The following OSBPL10 variants were observed in gnomAD, a reference collection of about 807,000 sequenced individuals.
OSBPL10 encodes oxysterol binding protein like 10.
In OSBPL10, 49 loss-of-function variants were observed where a neutral mutation model predicts 81.7. That is an observed-to-expected ratio of 0.60 (90% CI 0.48 to 0.76). The LOEUF (loss-of-function observed/expected upper bound fraction) is 0.76, where lower values mean the gene tolerates loss of function less well. OSBPL10 is among the 30% of genes least tolerant of loss of function. The pLI is 0.00. For missense variants in OSBPL10, 923 were observed against 987.8 expected (o/e 0.93, Z 0.88); for synonymous variants, 419 against 383.6 (o/e 1.09, Z -1.08).
intron 2 of OSBPL10, among the ~76,000 whole-genome samples, chr3:32,042,320 T>C (rs561077654): frequency 2.6e-5 from 4 of 152,354 alleles, no homozygotes; most frequent in African/African-American, 9.6e-5. Context: ...ACCCACAGAA[T>C]CTGTGTGCAT....
chr3:31,899,269 G>T (rs2125674034), intron 1 of OSBPL10, among the ~76,000 whole-genome samples: 1 of 151,860 alleles, frequency 6.6e-6, no homozygotes, highest in Non-Finnish European at 1.5e-5. Flanking sequence ...GCTTAATATG[G>T]ATGGTAAAGT....
At chr3:31,877,005 A>C (rs1190426539) in intron 2 of OSBPL10, among the ~76,000 whole-genome samples, 3 of 149,992 alleles carry the variant, frequency 2.0e-5, no homozygotes, top group African/African-American at 4.9e-5. Context: ...CTGGGTTCAT[A>C]CCATTCTTCT....
At chr3:31,704,167 G>A (rs2125597265) in intron 6 of OSBPL10, 2 of 152,464 alleles carry the variant, frequency 1.3e-5, no homozygotes, top group Middle Eastern at 6.8e-3. Flanking sequence ...GGCTAATGCT[G>A]AGATTAGCAG....
chr3:31,670,716 G>T, intron 9 of OSBPL10, 81 bp downstream of exon 9: 1 of 1,399,350 alleles, frequency 7.1e-7, no homozygotes, highest in South Asian at 1.4e-5. Flanking sequence ...TCCCATTACT[G>T]AAACTCAGTC....
intron 5 of OSBPL10, among the ~76,000 whole-genome samples, chr3:31,740,614 CTT>C: frequency 6.6e-6 from 1 of 151,428 alleles, no homozygotes; most frequent in Non-Finnish European, 1.5e-5. Flanking sequence ...TTAAAGAATG[CTT>C]ATGAAGCTGG....
At chr3:31,844,871 C>T (rs1700589443) in intron 3 of OSBPL10, among the ~76,000 whole-genome samples, 1 of 152,150 alleles carries the variant, frequency 6.6e-6, no homozygotes, top group South Asian at 2.1e-4. Flanking sequence ...GCTATGAGTT[C>T]AAGACCAGCC....
chr3:31,697,928 A>T (rs1453897131), intron 7 of OSBPL10, among the ~76,000 whole-genome samples: 1 of 151,930 alleles, frequency 6.6e-6, no homozygotes, highest in Non-Finnish European at 1.5e-5. Flanking sequence ...ACGCCCAGCT[A>T]ATTTTTTGTA....
chr3:31,675,230 C>A (rs1366641911), intron 8 of OSBPL10, among the ~76,000 whole-genome samples: 1 of 152,230 alleles, frequency 6.6e-6, no homozygotes, highest in Non-Finnish European at 1.5e-5. Context: ...CCTCTACAGA[C>A]TGGAAACACA....
At position 31,735,580 on chromosome 3, in the gene OSBPL10, C is replaced by A. The variant is rs112441830; in HGVS notation, c.941-2169G>T. Among the ~76,000 whole-genome samples the A allele has an allele frequency of 3.8e-3, 578 of 152,314 alleles. 4 individuals are homozygous for A. Among genetic ancestry groups the A allele is most frequent in the African/African-American group, 0.014 (564 of 41,572 alleles). On this transcript the variant is annotated intron_variant, in intron 5 of 11. Coordinates refer to ENST00000396556, the MANE Select transcript of OSBPL10 (RefSeq NM_017784.5). Reference sequence around the variant, plus strand: ...ATTGCTTAGTATGCTCAAGTCACATCAGTATTTTTTTCCGTTTCTCAAATG... The same window carrying A: ...ATTGCTTAGTATGCTCAAGTCACATAAGTATTTTTTTCCGTTTCTCAAATG...
intron 2 of OSBPL10, among the ~76,000 whole-genome samples, chr3:32,004,486 C>T (rs1056955603): frequency 5.9e-5 from 9 of 152,202 alleles, no homozygotes; most frequent in African/African-American, 2.2e-4. Context: ...GGAGTCAGAA[C>T]ACAGGGACAA....
intron 4 of OSBPL10, among the ~76,000 whole-genome samples, chr3:31,772,501 GA>G (rs1381738814): frequency 6.6e-6 from 1 of 152,194 alleles, no homozygotes; most frequent in African/African-American, 2.4e-5. Flanking sequence ...AAGAGAAAAT[GA>G]GGCCCAAAAG....
At chr3:31,898,163 T>C (rs533406283) in intron 1 of OSBPL10, among the ~76,000 whole-genome samples, 13 of 152,174 alleles carry the variant, frequency 8.5e-5, no homozygotes, top group African/African-American at 3.1e-4. Flanking sequence ...GGTCAACAGA[T>C]ACAAAGTTTT....
At chr3:31,844,564 G>A (rs373248845) in intron 3 of OSBPL10, among the ~76,000 whole-genome samples, 2 of 152,212 alleles carry the variant, frequency 1.3e-5, no homozygotes, top group East Asian at 3.8e-4. Context: ...AGTCACATAT[G>A]ATTTCATTCA....
rs372829413 is a variant in OSBPL10 at position 31,847,924 on chromosome 3, G to A, written c.538-17693C>T. Among the ~76,000 whole-genome samples the A allele has an allele frequency of 2.0e-4, 31 of 152,206 alleles. 1 individual carries two copies. Among genetic ancestry groups the A allele is most frequent in the Admixed American group, 1.7e-3 (26 of 15,296 alleles). ...CACACAGCGGGGCTGCCTGTGGGAC[G>A]AGGAGCCAGGGGGATGCAGCCCACA... On this transcript the variant is annotated intron_variant, in intron 3 of 11. Coordinates refer to ENST00000396556, the MANE Select transcript of OSBPL10 (RefSeq NM_017784.5).
At chr3:31,935,399 A>T (rs1312589854) in intron 1 of OSBPL10, among the ~76,000 whole-genome samples, 3 of 152,184 alleles carry the variant, frequency 2.0e-5, no homozygotes, top group African/African-American at 7.2e-5. Flanking sequence ...ATTTGAACAT[A>T]AAATTCTTTA....
chr3:32,074,714 C>A (rs1699860106), intron 1 of OSBPL10, among the ~76,000 whole-genome samples: 1 of 152,104 alleles, frequency 6.6e-6, no homozygotes, highest in African/African-American at 2.4e-5. Flanking sequence ...AAAACCGAAC[C>A]CCTCCCTCTA....
intron 6 of OSBPL10, among the ~76,000 whole-genome samples, chr3:31,717,495 T>C (rs1329538231): frequency 6.6e-6 from 1 of 152,172 alleles, no homozygotes; most frequent in African/African-American, 2.4e-5. Flanking sequence ...CTCTAGCATT[T>C]TGTAGAAAAA....
chr3:32,024,268 AGAAT>A (rs1699383227), intron 2 of OSBPL10, among the ~76,000 whole-genome samples: 1 of 152,186 alleles, frequency 6.6e-6, no homozygotes, highest in East Asian at 1.9e-4. Context: ...GATTTTGAGA[AGAAT>A]TCTGTTGAAT....
rs1699454777 is a variant in OSBPL10 at position 32,030,268 on chromosome 3, G to C, written n.298+16223C>G. ...CAGGCCTTTTAGAAAACATGGAGTT[G>C]TTCCTTTGGCCACGTGTATGCGAAT... On this transcript the variant is annotated intron_variant and non_coding_transcript_variant, in intron 2 of 3. Transcript: ENST00000479173. 3 of 365,544 alleles carry C rather than the reference G, an allele frequency of 8.2e-6. No homozygotes were observed. The South Asian group carries it at 8.5e-5, about 10-fold the overall frequency. 22.6% of individuals were successfully genotyped at this position (365,544 alleles called of 1,614,324 possible).
Sources: allele counts gnomAD v4.1 joint callset (sites outside exome capture counted in the v4.1 genomes callset), GRCh38; gene constraint gnomAD v4.1.1; transcripts MANE v1.5; gene names NCBI Gene and HGNC (gene_info 2026-07-23, HGNC 2026-07-21).